Variants in DNAH6 observed in about 807,000 individuals in gnomAD.
DNAH6 encodes axonemal beta dynein heavy chain 6.
A neutral mutation model predicts 491.4 loss-of-function variants in DNAH6; 340 were observed. That is an observed-to-expected ratio of 0.69 (90% CI 0.63 to 0.76). The LOEUF (loss-of-function observed/expected upper bound fraction) is 0.76. DNAH6 is among the 30% of genes least tolerant of loss of function. DNAH6 has a pLI of 0.00. For missense variants in DNAH6, 4,443 were observed against 4,972.2 expected (o/e 0.89, Z 3.20); for synonymous variants, 1,603 against 1,686.1 (o/e 0.95, Z 1.21).
chr2:84,783,155 T>C (rs773036168), intron 65 of DNAH6, among the ~76,000 whole-genome samples: 9 of 151,934 alleles, frequency 5.9e-5, no homozygotes, highest in Non-Finnish European at 1.2e-4. Context: ...ACAAAACAAA[T>C]AAAACCTCAG....
chr2:84,799,019 G>GCTCT (rs1559054253), intron 70 of DNAH6, among the ~76,000 whole-genome samples: 6 of 140,608 alleles, frequency 4.3e-5, no homozygotes, highest in African/African-American at 1.6e-4. Context: ...ACGGAGTCTC[G>GCTCT]CTCTGTCATT....
chr2:84,610,165 T>A (rs1841421), intron 21 of DNAH6, among the ~76,000 whole-genome samples: 13,648 of 152,180 alleles, frequency 0.09, 824 homozygotes, highest in Middle Eastern at 0.15. Context: ...AATCTCTTGC[T>A]GGCACTCAGC....
intron 16 of DNAH6, among the ~76,000 whole-genome samples, chr2:84,591,862 C>T (rs1436829836): frequency 6.6e-6 from 1 of 151,590 alleles, no homozygotes; most frequent in Non-Finnish European, 1.5e-5. Flanking sequence ...AGAGGATAGT[C>T]TCTTCAACAA....
intron 4 of DNAH6, among the ~76,000 whole-genome samples, chr2:84,530,178 G>C (rs1165780118): frequency 6.6e-6 from 1 of 152,118 alleles, no homozygotes; most frequent in Non-Finnish European, 1.5e-5. Context: ...TTTAGCAGAG[G>C]ATGGCAATAA....
At chr2:84,653,297 G>C in intron 33 of DNAH6, 22 bp from the exon 34 acceptor site, 1 of 1,472,776 alleles carries the variant, frequency 6.8e-7, no homozygotes, top group African/African-American at 1.4e-5. Flanking sequence ...GTTCCTAATT[G>C]ATTTTATTTT....
intron 37 of DNAH6, among the ~76,000 whole-genome samples, chr2:84,664,436 C>T (rs1420666505): frequency 2.0e-5 from 3 of 151,980 alleles, no homozygotes; most frequent in Non-Finnish European, 2.9e-5. Flanking sequence ...AAAAAAAAAG[C>T]AGGGGTTGCA....
chr2:84,485,519 G>T, the DNAH6 span, among the ~76,000 whole-genome samples: 7 of 152,084 alleles, frequency 4.6e-5, no homozygotes, highest in African/African-American at 1.7e-4. Context: ...TCATCTTCCT[G>T]CATTAAGACC....
chr2:84,478,314 A>T, the DNAH6 span, among the ~76,000 whole-genome samples: 1 of 152,178 alleles, frequency 6.6e-6, no homozygotes, highest in Non-Finnish European at 1.5e-5. Context: ...AGCTAATACC[A>T]CTGGGCGATT....
intron 46 of DNAH6, 54 bp from the exon 47 acceptor site, chr2:84,697,521 T>C: frequency 6.9e-7 from 1 of 1,459,504 alleles, no homozygotes; most frequent in South Asian, 1.4e-5. Context: ...ATTTGCTTTA[T>C]AATAAATGGA....
intron 62 of DNAH6, among the ~76,000 whole-genome samples, chr2:84,735,409 C>G (rs943618045): frequency 7.9e-5 from 12 of 152,210 alleles, no homozygotes; most frequent in Non-Finnish European, 1.8e-4. Flanking sequence ...GGGTATATAC[C>G]CAGTAATGGG....
intron 29 of DNAH6, among the ~76,000 whole-genome samples, chr2:84,625,299 A>C (rs959628031): frequency 6.6e-6 from 1 of 152,192 alleles, no homozygotes; most frequent in Non-Finnish European, 1.5e-5. Context: ...TGGTGAAAAA[A>C]ATAAAAATCT....
intron 61 of DNAH6, among the ~76,000 whole-genome samples, chr2:84,728,674 C>T (rs1299644077): frequency 6.6e-6 from 1 of 152,130 alleles, no homozygotes; most frequent in African/African-American, 2.4e-5. Context: ...AGATGTATCT[C>T]ATTATAAAGC....
In DNAH6 at chr2:84,516,512, A is replaced by G. The variant is rs1675605972; in HGVS notation, c.-80A>G. ...CAACAGGAAACATTCCGCGCTACCG[A>G]GTACTTTCTACTCCCGACCAGGCAT... On this transcript the variant is annotated 5_prime_UTR_variant, in exon 1 of 77. Coordinates refer to ENST00000389394, the MANE Select transcript of DNAH6 (RefSeq NM_001370.2). The G allele has an allele frequency of 1.3e-5, 2 of 152,302 alleles. No individual in the cohort carries two copies. Among genetic ancestry groups the G allele is most frequent in the African/African-American group, 4.8e-5 (2 of 41,542 alleles). The allele number at this position is 152,302 out of a possible 1,614,324, so 9.4% of individuals were successfully genotyped here. A position where few individuals can be genotyped will look rare whatever the true frequency, so the allele number is the denominator to read the frequency against.
At chr2:84,658,044 C>T (rs766824559) in intron 35 of DNAH6, among the ~76,000 whole-genome samples, 2 of 151,944 alleles carry the variant, frequency 1.3e-5, no homozygotes, top group Non-Finnish European at 2.9e-5. Flanking sequence ...ATGAAATTAA[C>T]ACCTCTGAAC....
intron 33 of DNAH6, among the ~76,000 whole-genome samples, chr2:84,651,586 C>G (rs568226554): frequency 6.6e-6 from 1 of 151,718 alleles, no homozygotes; most frequent in African/African-American, 2.4e-5. Context: ...AGACAGTAAG[C>G]TTTTCCTGGG....
intron 11 of DNAH6, among the ~76,000 whole-genome samples, chr2:84,558,547 G>A (rs1262357343): frequency 1.3e-5 from 2 of 152,078 alleles, no homozygotes; most frequent in African/African-American, 4.8e-5. Context: ...CTGAGACACA[G>A]GCAGAGCCAG....
intron 37 of DNAH6, among the ~76,000 whole-genome samples, chr2:84,668,393 G>A (rs1692379987): frequency 1.3e-5 from 2 of 152,298 alleles, no homozygotes; most frequent in South Asian, 4.1e-4. Context: ...AAAAGTCACT[G>A]TCAAATGACC....
At chr2:84,489,529 T>C in the DNAH6 span, among the ~76,000 whole-genome samples, 2 of 152,180 alleles carry the variant, frequency 1.3e-5, no homozygotes, top group South Asian at 2.1e-4. Flanking sequence ...CCAAGCGATA[T>C]CTTCACATAC....
At chr2:84,498,752 A>C in the DNAH6 span, among the ~76,000 whole-genome samples, 3 of 152,006 alleles carry the variant, frequency 2.0e-5, no homozygotes, top group Non-Finnish European at 2.9e-5. Flanking sequence ...AGCCTCAGAC[A>C]TGGGGTTCAC....
Sources: gnomAD v4.1 joint callset for allele counts (sites outside exome capture counted in the v4.1 genomes callset) on GRCh38, gnomAD v4.1.1 for gene constraint, MANE v1.5 for transcripts, NCBI Gene and HGNC (gene_info 2026-07-23, HGNC 2026-07-21) for gene names.